Variants in TENM3 observed in about 807,000 individuals in gnomAD.
The protein encoded by TENM3 is teneurin transmembrane protein 3.
In TENM3, 63 loss-of-function variants were observed where a neutral mutation model predicts 255.1. That is an observed-to-expected ratio of 0.25 (90% CI 0.20 to 0.30). The LOEUF is 0.30. TENM3 is among the 10% of genes least tolerant of loss of function. The pLI is 1.00. For synonymous variants in TENM3, 1,306 were observed against 1,322.3 expected, an observed-to-expected ratio of 0.99 and a Z score of 0.27; for missense variants, 2,929 against 3,461.1, an observed-to-expected ratio of 0.85 and a Z score of 3.86.
intron 2 of TENM3, among the ~76,000 whole-genome samples, chr4:182,343,121 T>TA (rs1230896595): frequency 6.6e-6 from 1 of 152,218 alleles, no homozygotes; most frequent in Non-Finnish European, 1.5e-5. Context: ...AGGTTGTGTT[T>TA]ATTCAGTTTT....
At chr4:182,088,617 G>A in the TENM3 span, among the ~76,000 whole-genome samples, 3 of 152,134 alleles carry the variant, frequency 2.0e-5, no homozygotes, top group South Asian at 2.1e-4. Context: ...GGCGGATCAC[G>A]AGGTCAGGAG....
At chr4:181,520,476 CAT>C in the TENM3 span, among the ~76,000 whole-genome samples, 2 of 152,042 alleles carry the variant, frequency 1.3e-5, no homozygotes, top group Non-Finnish European at 2.9e-5. Flanking sequence ...TTGAAAGGCA[CAT>C]GACTGAAAGA....
chr4:181,465,963 T>G, the TENM3 span, among the ~76,000 whole-genome samples: 194 of 152,174 alleles, frequency 1.3e-3, 2 homozygotes, highest in African/African-American at 4.5e-3. Flanking sequence ...TTAAAACTCT[T>G]CAGTTGACTC....
chr4:181,718,772 G>A, the TENM3 span, among the ~76,000 whole-genome samples: 2 of 152,138 alleles, frequency 1.3e-5, no homozygotes, highest in Admixed American at 6.5e-5. Flanking sequence ...GGACATTCCT[G>A]AAGGCAAGGA....
upstream of TENM3, among the ~76,000 whole-genome samples, chr4:182,139,325 A>C (rs1447514147): frequency 6.6e-6 from 1 of 152,224 alleles, no homozygotes; most frequent in East Asian, 1.9e-4. Context: ...AGGGAGGAGA[A>C]AGAGTAGGGC....
the TENM3 span, among the ~76,000 whole-genome samples, chr4:181,701,498 A>AT: frequency 6.6e-6 from 1 of 152,354 alleles, no homozygotes; most frequent in East Asian, 1.9e-4. Context: ...GCCAAGGGCA[A>AT]GCACTTTTAC....
At chr4:181,815,897 A>G in the TENM3 span, among the ~76,000 whole-genome samples, 1 of 152,340 alleles carries the variant, frequency 6.6e-6, no homozygotes, top group East Asian at 1.9e-4. Context: ...TCTTTCTCAG[A>G]ATAGCATGCT....
At chr4:181,896,405 T>C in the TENM3 span, among the ~76,000 whole-genome samples, 11 of 152,182 alleles carry the variant, frequency 7.2e-5, no homozygotes, top group Non-Finnish European at 7.4e-5. Context: ...TGAGATACCA[T>C]ACAAAGGATT....
At chr4:182,263,653 G>A (rs987206802) in intron 1 of TENM3, among the ~76,000 whole-genome samples, 1 of 152,122 alleles carries the variant, frequency 6.6e-6, no homozygotes, top group Non-Finnish European at 1.5e-5. Flanking sequence ...TTCCTGCAAT[G>A]GTAGGTCTTC....
intron 3 of TENM3, among the ~76,000 whole-genome samples, chr4:182,576,719 C>T (rs1039486610): frequency 3.3e-5 from 5 of 152,120 alleles, no homozygotes; most frequent in African/African-American, 1.2e-4. Flanking sequence ...ACACTCAATA[C>T]AATACTATAA....
At chr4:181,768,536 A>C in the TENM3 span, among the ~76,000 whole-genome samples, 1 of 152,226 alleles carries the variant, frequency 6.6e-6, no homozygotes, top group South Asian at 2.1e-4. Flanking sequence ...GTCTTTCTGA[A>C]TGAACTAAAA....
intron 13 of TENM3, among the ~76,000 whole-genome samples, chr4:182,718,728 CT>C (rs1019811443): frequency 6.6e-6 from 1 of 152,088 alleles, no homozygotes; most frequent in African/African-American, 2.4e-5. Flanking sequence ...CTCTGATGTG[CT>C]TTTTAGTGCC....
chr4:182,691,909 A>G (rs1442621801), intron 12 of TENM3, among the ~76,000 whole-genome samples: 2 of 152,214 alleles, frequency 1.3e-5, no homozygotes, highest in Non-Finnish European at 2.9e-5. Context: ...TAGATGCTCC[A>G]CTACAAAAAT....
At chr4:181,524,005 C>T in the TENM3 span, among the ~76,000 whole-genome samples, 2 of 152,138 alleles carry the variant, frequency 1.3e-5, no homozygotes, top group Non-Finnish European at 2.9e-5. Context: ...TTTTTCCTCT[C>T]CATCTTACAC....
At position 182,773,473 on chromosome 4, in the gene TENM3, T is replaced by C. The variant is rs746303273; in HGVS notation, c.4894T>C (p.Tyr1632His). The C allele has an allele frequency of 8.7e-6, 14 of 1,611,324 alleles. 1 individual carries two copies. The highest frequency in any genetic ancestry group is 1.1e-5 in the Non-Finnish European group (13 of 1,178,738). Residue 1632 changes from tyrosine to histidine, a missense_variant and splice_region_variant, in exon 23 of 28, where the codon TAT (tyrosine) becomes CAT (histidine). Tyr to His is a moderately conservative substitution (Grantham distance 83). This residue lies in a region of TENM3 where 1,608 missense variants were observed against 1,884.4 expected (regional missense o/e 0.85). Coordinates refer to ENST00000511685, the MANE Select transcript of TENM3 (RefSeq NM_001080477.4). The stretch of plus-strand genomic sequence containing the variant: ...CAAGTTAATGCCTCTTGTATTTAGC[T>C]ATGACAGTGAAGGTCGTCTGACAAA... ...DETGWTTFFD[Y>H]DSEGRLTNVT...
intron 3 of TENM3, among the ~76,000 whole-genome samples, chr4:182,388,480 T>G (rs1459088662): frequency 6.6e-6 from 1 of 152,344 alleles, no homozygotes; most frequent in Non-Finnish European, 1.5e-5. Context: ...GAATTGTGCT[T>G]GAGTACTAAC....
At chr4:182,292,900 A>T (rs1761212942) in intron 1 of TENM3, among the ~76,000 whole-genome samples, 1 of 152,184 alleles carries the variant, frequency 6.6e-6, no homozygotes. Context: ...TGGAGGAGTT[A>T]ACTAGGGGGA....
chr4:182,173,680 T>C (rs1042707978), intron 1 of TENM3, among the ~76,000 whole-genome samples: 2 of 152,068 alleles, frequency 1.3e-5, no homozygotes, highest in African/African-American at 4.8e-5. Context: ...TAGGAGGAAA[T>C]GGGTATCATC....
At chr4:181,640,913 A>C in the TENM3 span, among the ~76,000 whole-genome samples, 1 of 152,204 alleles carries the variant, frequency 6.6e-6, no homozygotes, top group African/African-American at 2.4e-5. Flanking sequence ...AATTCCATAG[A>C]AACCATAACA....
Sources: gnomAD v4.1 joint callset for allele counts (sites outside exome capture counted in the v4.1 genomes callset) on GRCh38, gnomAD v4.1.1 for gene constraint, gnomAD v4.1.1 regional missense constraint, MANE v1.5 for transcripts, NCBI Gene and HGNC (gene_info 2026-07-23, HGNC 2026-07-21) for gene names.